The following FUCA1 variants were observed in gnomAD, a reference collection of about 807,000 sequenced individuals.
FUCA1 encodes alpha-L-fucosidase 1, also known as tissue alpha-L-fucosidase.
In FUCA1, 52 loss-of-function variants were observed where a neutral mutation model predicts 56.8. That is an observed-to-expected ratio of 0.92 (90% CI 0.73 to 1.15). The LOEUF (loss-of-function observed/expected upper bound fraction) is 1.15. Ranked by LOEUF, FUCA1 falls within the 50% of genes most tolerant of loss-of-function variation. The pLI is 0.00. For synonymous variants in FUCA1, 230 were observed against 226.6 expected, an observed-to-expected ratio of 1.02 and a Z score of -0.14; for missense variants, 568 against 592.6, an observed-to-expected ratio of 0.96 and a Z score of 0.43.
At chr1:23,858,355 C>G (rs1639437431) in intron 4 of FUCA1, among the ~76,000 whole-genome samples, 1 of 152,334 alleles carries the variant, frequency 6.6e-6, no homozygotes, top group Admixed American at 6.5e-5. Context: ...GCGTGAGCCA[C>G]TGCACCTGGC....
Position 23,859,764 on chromosome 1 carries a change from T to A in FUCA1, c.768+34A>T, listed in dbSNP as rs553695369. The A allele has an allele frequency of 5.9e-6, 8 of 1,367,006 alleles. No individual in the cohort carries two copies. The African/African-American group carries it at 1.1e-4, about 20-fold the overall frequency. 84.7% of individuals were successfully genotyped at this position (1,367,006 alleles called of 1,614,324 possible). On this transcript the variant is annotated intron_variant, in intron 4 of 7. Coordinates refer to ENST00000374479, the MANE Select transcript of FUCA1 (RefSeq NM_000147.5). ...TGGCTCCTTGCACTTTCTTTCTTCATAGGAGATAAATAAGAAGTCATATAA... is the reference window on the plus strand; with the variant it reads ...TGGCTCCTTGCACTTTCTTTCTTCAAAGGAGATAAATAAGAAGTCATATAA...
At position 23,867,786 on chromosome 1, in the gene FUCA1, C is replaced by G. The variant is rs1639654930; in HGVS notation, c.389+112G>C. 2.1e-6 allele frequency: 3 copies of G among 1,435,846 alleles called. No individual in the cohort carries two copies. Among genetic ancestry groups the G allele is most frequent in the Non-Finnish European group, 1.8e-6 (2 of 1,104,118 alleles). 88.9% of individuals were successfully genotyped at this position (1,435,846 alleles called of 1,614,324 possible). On this transcript the variant is annotated intron_variant, in intron 1 of 7. Coordinates refer to ENST00000374479, the MANE Select transcript of FUCA1 (RefSeq NM_000147.5). This position sits in a 1 kb window ranked among gnomAD's most constrained non-coding sequence, Gnocchi z 4.9. ...TGGCCGCAGGAGGCCACACGCGGGC[C>G]CCGGGGTCATGGGGGCGACCGGCAG... is the stretch of plus-strand genomic sequence containing the variant.
intron 4 of FUCA1, 140 bp downstream of exon 4, chr1:23,859,658 T>C (rs568509860): frequency 2.1e-5 from 14 of 658,212 alleles, no homozygotes; most frequent in South Asian, 1.9e-4. Context: ...TTAACATCCA[T>C]TAAGTGTCCC....
At chr1:23,852,515 A>T (rs55997562) in intron 5 of FUCA1, among the ~76,000 whole-genome samples, 14,975 of 142,862 alleles carry the variant, frequency 0.1, 830 homozygotes, top group East Asian at 0.22. Flanking sequence ...ACGGTCTCCC[A>T]CTGATGCCGA....
chr1:23,868,236 C>T lies in FUCA1; in HGVS notation c.51G>A (p.Leu17=). 6.4e-7 allele frequency: 1 copy of T among 1,572,620 alleles called. No homozygotes were observed. Among genetic ancestry groups the T allele is most frequent in the East Asian group, 2.3e-5 (1 of 42,590 alleles). Residue 17 remains leucine (L), a synonymous_variant, in exon 1 of 8, where the codon CTG becomes CTA. Transcript: ENST00000374479. ...RSRPAGPALL[L]LLLFLGAAES... ...CGGCCGCTCCGAGGAAGAGCAGCAG[C>T]AGCAACAGCGCGGGACCCGCCGGCC...
chr1:23,853,447 TCAGCCCCCCGCCCAGC>T (rs1639318346), intron 5 of FUCA1, among the ~76,000 whole-genome samples: 1 of 134,132 alleles, frequency 7.5e-6, no homozygotes, highest in African/African-American at 3.0e-5. Flanking sequence ...GGTGGGGGGG[TCAGCCCCCCGCCCAGC>T]CAGCCGCCCG....
chr1:23,853,074 C>T (rs1393318707), intron 5 of FUCA1, among the ~76,000 whole-genome samples: 1 of 144,604 alleles, frequency 6.9e-6, no homozygotes, highest in African/African-American at 2.7e-5. Context: ...AAGTGAGGAG[C>T]GTCTCTGCCC....
chr1:23,847,935 T>C (rs1018858053), intron 6 of FUCA1, among the ~76,000 whole-genome samples: 1 of 152,084 alleles, frequency 6.6e-6, no homozygotes, highest in African/African-American at 2.4e-5. Context: ...GGCAGGAGAA[T>C]TGCTTGAACC....
At position 23,845,611 on chromosome 1, in the gene FUCA1, T is replaced by G; in HGVS notation, c.*104A>C. On this transcript the variant is annotated 3_prime_UTR_variant, in exon 8 of 8. Transcript: ENST00000374479. Reference sequence around the variant, plus strand: ...TAAAATGTGTTGGAAAAGCCATCTCTGGGTGGAGAAGAGAAGTTCGTTGAT... The same window carrying G: ...TAAAATGTGTTGGAAAAGCCATCTCGGGGTGGAGAAGAGAAGTTCGTTGAT... 7.2e-7 allele frequency: 1 copy of G among 1,385,752 alleles called. No individual in the cohort carries two copies. Among genetic ancestry groups the G allele is most frequent in the Non-Finnish European group, 1.0e-6 (1 of 973,526 alleles). The allele number at this position is 1,385,752 out of a possible 1,614,324, so 85.8% of individuals were successfully genotyped here. A position where few individuals can be genotyped will look rare whatever the true frequency, so the allele number is the denominator to read the frequency against.
rs115946801 is a variant in FUCA1, at chr1:23,867,201, C to T, written c.389+697G>A. On this transcript the variant is annotated intron_variant, in intron 1 of 7. Transcript: ENST00000374479. The surrounding 1 kb of genome is among the most constrained non-coding windows in gnomAD (Gnocchi z 4.9). The stretch of plus-strand genomic sequence containing the variant: ...AATACAGGGCTCTCAAGGCTCACTC[C>T]TTCAGGACAAGCCCCTGCCTTGACA... 8.8e-3 allele frequency among the ~76,000 whole-genome samples: 1,344 copies of T among 152,296 alleles called. 16 individuals carry two copies. The highest frequency in any genetic ancestry group is 0.027 in the African/African-American group (1,126 of 41,556).
chr1:23,863,519 T>C (rs907782981), intron 2 of FUCA1, among the ~76,000 whole-genome samples: 3 of 152,236 alleles, frequency 2.0e-5, no homozygotes, highest in Admixed American at 6.5e-5. Flanking sequence ...CAAAATATTA[T>C]TTAAACCATC....
rs770733586 is a variant in FUCA1, at chr1:23,859,889, A to C, written c.677T>G (p.Leu226Arg). Residue 226 changes from leucine (L) to arginine (R), a missense_variant, in exon 4 of 8, where the codon CTG (leucine) becomes CGG (arginine). Leu to Arg is a moderately radical substitution (Grantham distance 102). Coordinates refer to ENST00000374479, the MANE Select transcript of FUCA1 (RefSeq NM_000147.5). ...YDLVNSYKPD[L>R]IWSDGEWECP... is the part of the protein sequence containing the mutation. ...TTCCCACTCCCCATCAGACCAGATC[A>C]GATCAGGTTTATAGCTGGAAGACAT... The C allele has an allele frequency of 4.3e-6, 7 of 1,609,644 alleles. No individual in the cohort carries two copies. Among genetic ancestry groups the C allele is most frequent in the Non-Finnish European group, 6.0e-6 (7 of 1,175,882 alleles).
At chr1:23,864,087 CTT>C (rs765991884) in intron 2 of FUCA1, among the ~76,000 whole-genome samples, 1,352 of 130,974 alleles carry the variant, frequency 0.01, 6 homozygotes, top group Middle Eastern at 0.015. Context: ...TCTTTTTTTC[CTT>C]TTTTTTTTTT....
intron 5 of FUCA1, among the ~76,000 whole-genome samples, chr1:23,852,078 G>GTAACAATAATAATAA (rs1553136230): frequency 2.1e-5 from 3 of 145,118 alleles, no homozygotes; most frequent in African/African-American, 7.6e-5. Flanking sequence ...ATGTTAGAAG[G>GTAACAATAATAATAA]TAATAATAAT....
intron 6 of FUCA1, 89 bp from the exon 7 acceptor site, chr1:23,846,262 TTTC>T: frequency 1.2e-6 from 1 of 863,708 alleles, no homozygotes; most frequent in Non-Finnish European, 1.8e-6. Context: ...TAATGTTAAT[TTTC>T]TTTTCTTTTC....
In FUCA1 at chr1:23,854,406, C is replaced by T. The variant is rs372537257; in HGVS notation, c.923G>A (p.Arg308His). ...SIDKFSWGYR[R>H]DMALSDVTEE... ...TGTAACATCAGACAATGCCATGTCA[C>T]GACGATAGCCCCAGGAAAACTTGTC... Residue 308 changes from arginine (R) to histidine (H), a missense_variant, in exon 5 of 8, where the codon CGT becomes CAT. Physicochemically the swap from Arg to His is conservative, Grantham distance 29. Transcript: ENST00000374479. 28 of 1,613,906 alleles carry T rather than the reference C, an allele frequency of 1.7e-5. No homozygotes were observed. In the African/African-American group the frequency reaches 1.9e-4, roughly 11 times the overall value.
chr1:23,851,758 C>T (rs961771456), intron 5 of FUCA1, among the ~76,000 whole-genome samples: 1 of 152,074 alleles, frequency 6.6e-6, no homozygotes, highest in African/African-American at 2.4e-5. Flanking sequence ...AACACAGGAA[C>T]AGAAAACCAA....
chr1:23,861,794 G>A (rs1360579693), intron 3 of FUCA1, among the ~76,000 whole-genome samples: 1 of 152,192 alleles, frequency 6.6e-6, no homozygotes, highest in Non-Finnish European at 1.5e-5. Context: ...GTAACAGGAG[G>A]TGGAACTCAA....
Position 23,847,059 on chromosome 1 carries a change from C to T in FUCA1, c.1161-886G>A, listed in dbSNP as rs555392843. On this transcript the variant is annotated intron_variant, in intron 6 of 7. Coordinates refer to ENST00000374479, the MANE Select transcript of FUCA1 (RefSeq NM_000147.5). ...CAATTATCTACCAAATCCCAGTCCT[C>T]GAGTCTGTCACTGTTACTAGGGAGC... 9.2e-5 allele frequency among the ~76,000 whole-genome samples: 14 copies of T among 152,208 alleles called. No individual in the cohort carries two copies. In the South Asian group the frequency reaches 2.5e-3, roughly 27 times the overall value.
Sources: gnomAD v4.1 joint callset for allele counts (sites outside exome capture counted in the v4.1 genomes callset) on GRCh38, gnomAD v4.1.1 for gene constraint, Gnocchi (gnomAD v3.1) non-coding constraint, MANE v1.5 for transcripts, NCBI Gene and HGNC (gene_info 2026-07-23, HGNC 2026-07-21) for gene names.